The following RNF144B variants were observed in gnomAD, a reference collection of about 807,000 sequenced individuals.
RNF144B encodes ring finger protein 144B, also known as E3 ubiquitin-protein ligase RNF144B.
RNF144B carries 25 observed loss-of-function variants against 40.2 expected under a neutral mutation model. The observed-to-expected ratio is 0.62, with a 90% confidence interval of 0.45 to 0.87. The LOEUF (loss-of-function observed/expected upper bound fraction) is 0.87. Ranked by LOEUF, RNF144B falls within the 40% of genes least tolerant of loss-of-function variation. The pLI, the probability that RNF144B is intolerant of heterozygous loss-of-function variation, is 0.00. For missense variants in RNF144B, 365 were observed against 373.7 expected (o/e 0.98, Z 0.19); for synonymous variants, 145 against 136.3 (o/e 1.06, Z -0.44).
intron 2 of RNF144B, among the ~76,000 whole-genome samples, chr6:18,424,788 G>GAA (rs1255363436): frequency 7.6e-6 from 1 of 131,536 alleles, no homozygotes; most frequent in Non-Finnish European, 1.7e-5. Flanking sequence ...ATTTCTAAGA[G>GAA]CCTTGCATAG....
Position 18,400,320 on chromosome 6 carries a change from A to T in RNF144B, c.165+621A>T, listed in dbSNP as rs1224003717. ...CATGCTGTAGTTAACTACCACCTATAAGAAACTCACCAGGTATTTTAAATG... is the reference window on the plus strand; with the variant it reads ...CATGCTGTAGTTAACTACCACCTATTAGAAACTCACCAGGTATTTTAAATG... On this transcript the variant is annotated intron_variant, in intron 2 of 7. Transcript: ENST00000259939. The surrounding 1 kb of genome is among the most constrained non-coding windows in gnomAD (Gnocchi z 5.6). 6.6e-6 allele frequency among the ~76,000 whole-genome samples: 1 copy of T among 152,112 alleles called. No individual in the cohort carries two copies. Among genetic ancestry groups the T allele is most frequent in the Non-Finnish European group, 1.5e-5 (1 of 68,008 alleles).
At chr6:18,421,094 A>G (rs1795248856) in intron 2 of RNF144B, among the ~76,000 whole-genome samples, 2 of 151,880 alleles carry the variant, frequency 1.3e-5, no homozygotes, top group Non-Finnish European at 2.9e-5. Flanking sequence ...GTCTCTACCA[A>G]AAATACAAAA....
chr6:18,458,085 T>A lies in RNF144B; in HGVS notation c.536+726T>A, dbSNP rs1190488546. ...CCCGATTAGCTGGGATTGCAGGCACTTGCCACCACGCCTGGCTAATTTTTC... is the reference window on the plus strand; with the variant it reads ...CCCGATTAGCTGGGATTGCAGGCACATGCCACCACGCCTGGCTAATTTTTC... On this transcript the variant is annotated intron_variant, in intron 5 of 7. Coordinates refer to ENST00000259939, the MANE Select transcript of RNF144B (RefSeq NM_182757.4). The surrounding 1 kb of genome is among the most constrained non-coding windows in gnomAD (Gnocchi z 4.8). Among the ~76,000 whole-genome samples, 2 of 152,014 alleles carry A rather than the reference T, an allele frequency of 1.3e-5. No individual in the cohort carries two copies. The highest frequency in any genetic ancestry group is 2.9e-5 in the Non-Finnish European group (2 of 67,992).
At chr6:18,401,216 A>G (rs193251308) in intron 2 of RNF144B, among the ~76,000 whole-genome samples, 93 of 152,328 alleles carry the variant, frequency 6.1e-4, no homozygotes, top group Non-Finnish European at 4.6e-4. Flanking sequence ...GAAATAATAC[A>G]TGGTGAAGGT....
intron 1 of RNF144B, among the ~76,000 whole-genome samples, chr6:18,394,593 G>A (rs1393237794): frequency 4.8e-5 from 7 of 146,758 alleles, no homozygotes; most frequent in East Asian, 4.1e-4. Flanking sequence ...GTGATACTCC[G>A]TCCCCTACCC....
chr6:18,419,912 A>G lies in RNF144B; in HGVS notation c.166-7669A>G, dbSNP rs946603418. On this transcript the variant is annotated intron_variant, in intron 2 of 7. Coordinates refer to ENST00000259939, the MANE Select transcript of RNF144B (RefSeq NM_182757.4). The surrounding 1 kb of genome is among the most constrained non-coding windows in gnomAD (Gnocchi z 4.6). ...GTATAGACAGGACAAAATTCAAGAC[A>G]TAGGAAAGAAAACAGGTAATGAATA... 6.6e-6 allele frequency among the ~76,000 whole-genome samples: 1 copy of G among 152,220 alleles called. No homozygotes were observed. Among genetic ancestry groups the G allele is most frequent in the Admixed American group, 6.5e-5 (1 of 15,272 alleles).
intron 2 of RNF144B, among the ~76,000 whole-genome samples, chr6:18,420,164 T>TTC (rs1795228789): frequency 6.6e-6 from 1 of 151,444 alleles, no homozygotes; most frequent in Admixed American, 6.6e-5. Context: ...TCTGATTTTT[T>TTC]TTTTGATTTT....
rs1213661873 is a variant in RNF144B at position 18,410,755 on chromosome 6, C to T, written c.165+11056C>T. Among the ~76,000 whole-genome samples, 2 of 151,962 alleles carry T rather than the reference C, an allele frequency of 1.3e-5. No homozygotes were observed. Among genetic ancestry groups the T allele is most frequent in the African/African-American group, 4.8e-5 (2 of 41,362 alleles). ...GGGAATGAGATAGGGAGGATGGCGT[C>T]GGTACAGGATAGAGAATGGACTGAA... On this transcript the variant is annotated intron_variant, in intron 2 of 7. Transcript: ENST00000259939. This position sits in a 1 kb window ranked among gnomAD's most constrained non-coding sequence, Gnocchi z 4.6.
In RNF144B at chr6:18,400,757, C is replaced by T. The variant is rs1794788302; in HGVS notation, c.165+1058C>T. The stretch of plus-strand genomic sequence containing the variant: ...GGATTTATCAGTTAAGGAAACAAAA[C>T]CCAGCGAAGTTTCTTGCTTTTAGGA... On this transcript the variant is annotated intron_variant, in intron 2 of 7. Transcript: ENST00000259939. This position sits in a 1 kb window ranked among gnomAD's most constrained non-coding sequence, Gnocchi z 5.6. 6.6e-6 allele frequency among the ~76,000 whole-genome samples: 1 copy of T among 152,182 alleles called. No individual in the cohort carries two copies. Among genetic ancestry groups the T allele is most frequent in the South Asian group, 2.1e-4 (1 of 4,830 alleles).
rs1794875022 is a variant in RNF144B, at chr6:18,405,159, A to ATTATTT, written c.165+5465_165+5466insTTTATT. Reference sequence around the variant, plus strand: ...AAGGTTAGTTTTTTTCTTTATTATTATTATTATTATTATTATTGTTATTAT... The same window carrying ATTATTT: ...AAGGTTAGTTTTTTTCTTTATTATTATTATTTTTATTATTATTATTATTGTTATTAT... On this transcript the variant is annotated intron_variant, in intron 2 of 7. Transcript: ENST00000259939. The surrounding 1 kb of genome is among the most constrained non-coding windows in gnomAD (Gnocchi z 4.5). Among the ~76,000 whole-genome samples, 1 of 148,234 alleles carries ATTATTT rather than the reference A, an allele frequency of 6.7e-6. No homozygotes were observed. Among genetic ancestry groups the ATTATTT allele is most frequent in the Non-Finnish European group, 1.5e-5 (1 of 67,170 alleles).
intron 1 of RNF144B, among the ~76,000 whole-genome samples, chr6:18,397,665 C>T (rs1200446503): frequency 6.6e-6 from 1 of 152,086 alleles, no homozygotes; most frequent in Non-Finnish European, 1.5e-5. Flanking sequence ...TGTTTCTGTG[C>T]AGCTTCAGGG....
rs139054877 is a variant in RNF144B at position 18,397,359 on chromosome 6, C to T, written c.-36-2140C>T. Reference sequence around the variant, plus strand: ...AAATTAAGAGGAAAAGAGCTTGGTTCTTGTAGGGGGAGGTGTATTTGCAAT... The same window carrying T: ...AAATTAAGAGGAAAAGAGCTTGGTTTTTGTAGGGGGAGGTGTATTTGCAAT... On this transcript the variant is annotated intron_variant, in intron 1 of 7. Coordinates refer to ENST00000259939, the MANE Select transcript of RNF144B (RefSeq NM_182757.4). Among the ~76,000 whole-genome samples, 35 of 152,150 alleles carry T rather than the reference C, an allele frequency of 2.3e-4. No individual in the cohort carries two copies. The East Asian group carries it at 5.4e-3, about 24-fold the overall frequency.
In RNF144B at chr6:18,400,288, A is replaced by AC. The variant is rs1365644434; in HGVS notation, c.165+589_165+590insC. ...ACTCTGTCTCAAAAAAAAAAAAAAAAATTTAACATGCTGTAGTTAACTACC... is the reference window on the plus strand; with the variant it reads ...ACTCTGTCTCAAAAAAAAAAAAAAAACATTTAACATGCTGTAGTTAACTACC... On this transcript the variant is annotated intron_variant, in intron 2 of 7. Transcript: ENST00000259939. This position sits in a 1 kb window ranked among gnomAD's most constrained non-coding sequence, Gnocchi z 5.6. Among the ~76,000 whole-genome samples the AC allele has an allele frequency of 2.6e-5, 4 of 151,934 alleles. No individual in the cohort carries two copies. Among genetic ancestry groups the AC allele is most frequent in the African/African-American group, 9.7e-5 (4 of 41,340 alleles).
At chr6:18,445,190 G>A (rs1054917239) in intron 4 of RNF144B, among the ~76,000 whole-genome samples, 2 of 152,098 alleles carry the variant, frequency 1.3e-5, no homozygotes, top group African/African-American at 4.8e-5. Flanking sequence ...ATAAAAGTTC[G>A]TTTGATGTCT....
At position 18,441,747 on chromosome 6, in the gene RNF144B, T is replaced by C. The variant is rs1758969335; in HGVS notation, c.331+2003T>C. Among the ~76,000 whole-genome samples the C allele has an allele frequency of 6.6e-6, 1 of 152,146 alleles. No homozygotes were observed. The highest frequency in any genetic ancestry group is 1.5e-5 in the Non-Finnish European group (1 of 68,004). The stretch of plus-strand genomic sequence containing the variant: ...TGTGACCATGGCAAGGTCCTTAATA[T>C]TTCTGCATCTCAACTTCCTCATCTG... On this transcript the variant is annotated intron_variant, in intron 4 of 7. Transcript: ENST00000259939. The surrounding 1 kb of genome is among the most constrained non-coding windows in gnomAD (Gnocchi z 4.9).
At chr6:18,411,495 ATATTTT>A (rs1408827201) in intron 2 of RNF144B, among the ~76,000 whole-genome samples, 15 of 26,438 alleles carry the variant, frequency 5.7e-4, no homozygotes, top group Non-Finnish European at 7.4e-4. Context: ...ATATATATAT[ATATTTT>A]TTTTTTTTTT....
intron 2 of RNF144B, among the ~76,000 whole-genome samples, chr6:18,423,588 C>A (rs1200075687): frequency 6.6e-6 from 1 of 152,092 alleles, no homozygotes. Context: ...GAATCTGATA[C>A]CCTTGAAAGG....
rs1759337238 is a variant in RNF144B, at chr6:18,456,786, TGTG to T, written c.332-364_332-362del. Among the ~76,000 whole-genome samples the T allele has an allele frequency of 1.3e-5, 2 of 152,004 alleles. No individual in the cohort carries two copies. Among genetic ancestry groups the T allele is most frequent in the South Asian group, 2.1e-4 (1 of 4,826 alleles). ...TAAAAAAGAGGGTAAATGGGGCAGG[TGTG>T]GTGGCTCATGCCTGTAAAATCCCAG... On this transcript the variant is annotated intron_variant, in intron 4 of 7. Transcript: ENST00000259939. The surrounding 1 kb of genome is among the most constrained non-coding windows in gnomAD (Gnocchi z 4.7).
In RNF144B at chr6:18,410,098, C is replaced by T. The variant is rs1232971894; in HGVS notation, c.165+10399C>T. ...AAACCACATATCAGAATGTAATAGG[C>T]TGGCCAAACATGCAAATCATGACCA... On this transcript the variant is annotated intron_variant, in intron 2 of 7. Coordinates refer to ENST00000259939, the MANE Select transcript of RNF144B (RefSeq NM_182757.4). The surrounding 1 kb of genome is among the most constrained non-coding windows in gnomAD (Gnocchi z 4.6). Among the ~76,000 whole-genome samples, 1 of 152,144 alleles carries T rather than the reference C, an allele frequency of 6.6e-6. No individual in the cohort carries two copies. Among genetic ancestry groups the T allele is most frequent in the Non-Finnish European group, 1.5e-5 (1 of 68,026 alleles).
Sources: gnomAD v4.1 joint callset for allele counts (sites outside exome capture counted in the v4.1 genomes callset) on GRCh38, gnomAD v4.1.1 for gene constraint, Gnocchi (gnomAD v3.1) non-coding constraint, MANE v1.5 for transcripts, NCBI Gene and HGNC (gene_info 2026-07-23, HGNC 2026-07-21) for gene names.